The following RBFOX1 variants were observed in gnomAD, a reference collection of about 807,000 sequenced individuals.
The protein encoded by RBFOX1 is RNA binding protein fox-1 homolog 1.
A neutral mutation model predicts 57.7 loss-of-function variants in RBFOX1; 8 were observed. That is an observed-to-expected ratio of 0.14 (90% CI 0.08 to 0.25). RBFOX1 has a LOEUF of 0.25. Ranked by LOEUF, RBFOX1 falls within the 10% of genes least tolerant of loss-of-function variation. The pLI is 1.00. For synonymous variants in RBFOX1, 326 were observed against 222.4 expected (o/e 1.47, Z -4.15); for missense variants, 611 against 548.5 (o/e 1.11, Z -1.14).
intron 12 of RBFOX1, 152 bp from the exon 13 acceptor site, chr16:7,664,777 T>C: frequency 7.1e-7 from 1 of 1,406,462 alleles, no homozygotes; most frequent in Non-Finnish European, 9.8e-7. Flanking sequence ...ACTGCCGTTG[T>C]CTCCAACCTC....
intron 2 of RBFOX1, among the ~76,000 whole-genome samples, chr16:6,427,633 G>T (rs2093967538): frequency 6.6e-6 from 1 of 152,146 alleles, no homozygotes; most frequent in African/African-American, 2.4e-5. Flanking sequence ...GCCAAGTAAG[G>T]TGGATTATTT....
intron 3 of RBFOX1, among the ~76,000 whole-genome samples, chr16:6,890,333 A>G (rs575764413): frequency 5.3e-5 from 8 of 152,300 alleles, no homozygotes; most frequent in African/African-American, 1.9e-4. Flanking sequence ...AGCCTGGCCT[A>G]CAAGGTGAAA....
At chr16:6,075,580 T>G in intron 1 of RBFOX1, among the ~76,000 whole-genome samples, 1 of 152,354 alleles carries the variant, frequency 6.6e-6, no homozygotes, top group East Asian at 1.9e-4. Context: ...AGAACAAAGA[T>G]GTAATTCTTG....
chr16:7,188,465 G>A (rs2084470470), intron 4 of RBFOX1, among the ~76,000 whole-genome samples: 1 of 152,178 alleles, frequency 6.6e-6, no homozygotes, highest in South Asian at 2.1e-4. Flanking sequence ...TGTTACAGAG[G>A]TCTAATATGG....
At chr16:6,171,274 T>A (rs1275768221) in intron 1 of RBFOX1, among the ~76,000 whole-genome samples, 1 of 152,210 alleles carries the variant, frequency 6.6e-6, no homozygotes, top group Non-Finnish European at 1.5e-5. Flanking sequence ...CATATCAATC[T>A]ATAACACCAA....
At chr16:6,645,186 A>C (rs144855045) in intron 2 of RBFOX1, among the ~76,000 whole-genome samples, 1 of 152,162 alleles carries the variant, frequency 6.6e-6, no homozygotes, top group African/African-American at 2.4e-5. Context: ...GATACTTGTT[A>C]CTGGATTTAG....
chr16:5,510,517 G>A (rs570083992), intron 2 of RBFOX1, among the ~76,000 whole-genome samples: 16 of 152,134 alleles, frequency 1.1e-4, no homozygotes, highest in Middle Eastern at 3.4e-3. Context: ...GCCAAAGCAA[G>A]TCGCGTGGCT....
rs1005553205 is a variant in RBFOX1, at chr16:7,211,782, C to G, written c.27+159684C>G. On this transcript the variant is annotated intron_variant, in intron 4 of 15. Coordinates refer to ENST00000550418, the MANE Select transcript of RBFOX1 (RefSeq NM_018723.4). Reference sequence around the variant, plus strand: ...ACTCGGGGGGATTCAAGCCCCCTGTCTCTAGGTTGCTATGAGCTTTCACAT... The same window carrying G: ...ACTCGGGGGGATTCAAGCCCCCTGTGTCTAGGTTGCTATGAGCTTTCACAT... Among the ~76,000 whole-genome samples the G allele has an allele frequency of 5.3e-5, 8 of 152,282 alleles. No homozygotes were observed. The South Asian group carries it at 1.7e-3, about 32-fold the overall frequency.
At position 6,398,725 on chromosome 16, in the gene RBFOX1, C is replaced by G. The variant is rs143660044; in HGVS notation, c.-64+81668C>G. On this transcript the variant is annotated intron_variant, in intron 2 of 15. Coordinates refer to ENST00000550418, the MANE Select transcript of RBFOX1 (RefSeq NM_018723.4). ...GCCCCTATGCCTTTGTGGGGCACAG[C>G]CACCTTTCCACCTGCTTTCATGGGC... 1.9e-3 allele frequency among the ~76,000 whole-genome samples: 297 copies of G among 152,362 alleles called. 4 individuals are homozygous for G. The highest frequency in any genetic ancestry group is 7.0e-3 in the African/African-American group (291 of 41,584).
intron 3 of RBFOX1, among the ~76,000 whole-genome samples, chr16:5,849,160 C>T (rs1276977418): frequency 2.6e-5 from 4 of 151,840 alleles, no homozygotes; most frequent in African/African-American, 7.3e-5. Context: ...TTGCATTGAA[C>T]TCATATTTCT....
At chr16:6,401,746 T>C (rs1485100265) in intron 2 of RBFOX1, among the ~76,000 whole-genome samples, 1 of 152,102 alleles carries the variant, frequency 6.6e-6, no homozygotes, top group Non-Finnish European at 1.5e-5. Context: ...TAAAGATAAG[T>C]TTACTGTTCA....
At position 6,002,070 on chromosome 16, in the gene RBFOX1, C is replaced by T. The variant is rs190415463; in HGVS notation, c.351+134735C>T. Among the ~76,000 whole-genome samples, 1,418 of 151,274 alleles carry T rather than the reference C, an allele frequency of 9.4e-3. 13 individuals are homozygous for T. The highest frequency in any genetic ancestry group is 0.015 in the Non-Finnish European group (1,039 of 67,924). The stretch of plus-strand genomic sequence containing the variant: ...GCTGAAATCTTCAAACTCTTGGGCT[C>T]AAGCGATTGTCCCTCTTCAGCCTCC... On this transcript the variant is annotated intron_variant, in intron 4 of 19. Coordinates refer to the RBFOX1 transcript ENST00000641259.
At chr16:6,216,335 T>C (rs952555583) in intron 1 of RBFOX1, among the ~76,000 whole-genome samples, 1 of 152,154 alleles carries the variant, frequency 6.6e-6, no homozygotes, top group African/African-American at 2.4e-5. Flanking sequence ...CAGAGGTGAT[T>C]TCTTTTATTA....
intron 3 of RBFOX1, among the ~76,000 whole-genome samples, chr16:5,811,943 G>A (rs1252295177): frequency 6.6e-6 from 1 of 152,056 alleles, no homozygotes; most frequent in Non-Finnish European, 1.5e-5. Context: ...TCAACCTCCA[G>A]CTCCAGGGAA....
In RBFOX1 at chr16:6,557,294, A is replaced by T. The variant is rs573493614; in HGVS notation, c.-63-97309A>T. On this transcript the variant is annotated intron_variant, in intron 2 of 15. Transcript: ENST00000550418. Reference sequence around the variant, plus strand: ...CCCATGAATTAAGATTTAAAAGAGGATATAAAGCAGAATCTTGCTTTCACA... The same window carrying T: ...CCCATGAATTAAGATTTAAAAGAGGTTATAAAGCAGAATCTTGCTTTCACA... 1.2e-3 allele frequency among the ~76,000 whole-genome samples: 176 copies of T among 151,908 alleles called. 3 individuals carry two copies. Among genetic ancestry groups the T allele is most frequent in the Non-Finnish European group, 2.6e-4 (18 of 67,950 alleles).
intron 2 of RBFOX1, among the ~76,000 whole-genome samples, chr16:5,575,495 C>T (rs1206907934): frequency 1.3e-5 from 2 of 152,216 alleles, no homozygotes; most frequent in Admixed American, 6.5e-5. Context: ...TCCTTGCCCA[C>T]AGCCATCACA....
intron 2 of RBFOX1, among the ~76,000 whole-genome samples, chr16:5,477,162 A>G (rs1448127139): frequency 6.6e-6 from 1 of 152,182 alleles, no homozygotes; most frequent in Non-Finnish European, 1.5e-5. Context: ...GCACAGGCGC[A>G]TGCCACTACA....
intron 4 of RBFOX1, among the ~76,000 whole-genome samples, chr16:7,321,912 G>A (rs1359830933): frequency 6.6e-6 from 1 of 152,164 alleles, no homozygotes; most frequent in African/African-American, 2.4e-5. Flanking sequence ...TCTTGCAGCA[G>A]TCAGCCCCTT....
intron 1 of RBFOX1, among the ~76,000 whole-genome samples, chr16:6,187,918 G>A (rs1439806517): frequency 1.3e-5 from 2 of 152,160 alleles, no homozygotes. Flanking sequence ...TTTTGCACAT[G>A]TGCGTGCATA....
Sources: allele counts gnomAD v4.1 joint callset (sites outside exome capture counted in the v4.1 genomes callset), GRCh38; gene constraint gnomAD v4.1.1; transcripts MANE v1.5; gene names NCBI Gene and HGNC (gene_info 2026-07-23, HGNC 2026-07-21).